Variants in ITFG1 observed in about 807,000 individuals in gnomAD.
ITFG1 encodes integrin alpha FG-GAP repeat containing 1, also known as T-cell immunomodulatory protein.
A neutral mutation model predicts 81.8 loss-of-function variants in ITFG1; 34 were observed. The observed-to-expected ratio is 0.42, with a 90% confidence interval of 0.32 to 0.55. The LOEUF is 0.55. Among genes scored for constraint, ITFG1 ranks in the 20% least tolerant of loss-of-function variants. The pLI is 0.17. For synonymous variants in ITFG1, 285 were observed against 270.6 expected, an observed-to-expected ratio of 1.05 and a Z score of -0.52; for missense variants, 672 against 755.4, an observed-to-expected ratio of 0.89 and a Z score of 1.29.
intron 10 of ITFG1, among the ~76,000 whole-genome samples, chr16:47,261,278 C>A (rs914606442): frequency 6.6e-6 from 1 of 152,200 alleles, no homozygotes; most frequent in Non-Finnish European, 1.5e-5. Context: ...AATCCTGGCT[C>A]TGTTATTTAG....
intron 10 of ITFG1, among the ~76,000 whole-genome samples, chr16:47,303,208 TTG>T (rs1967104335): frequency 6.6e-6 from 1 of 151,984 alleles, no homozygotes; most frequent in Non-Finnish European, 1.5e-5. Context: ...GGGGCGGAGC[TTG>T]CAGTGAGCCG....
rs1439010773 is a variant in ITFG1 at position 47,162,483 on chromosome 16, T to A, written c.1578+57A>T. On this transcript the variant is annotated intron_variant, in intron 15 of 17. Coordinates refer to ENST00000320640, the MANE Select transcript of ITFG1 (RefSeq NM_030790.5). ...GGTTCAAATTATTTAATTTAAATACTTAAATAGTGAATATTAAAACATAGA... is the reference window on the plus strand; with the variant it reads ...GGTTCAAATTATTTAATTTAAATACATAAATAGTGAATATTAAAACATAGA... 3.7e-6 allele frequency: 5 copies of A among 1,336,880 alleles called. No individual in the cohort carries two copies. In the African/African-American group the frequency reaches 7.5e-5, roughly 20 times the overall value. 82.8% of individuals were successfully genotyped at this position (1,336,880 alleles called of 1,614,324 possible). A position where few individuals can be genotyped will look rare whatever the true frequency, so the allele number is the denominator to read the frequency against.
intron 12 of ITFG1, among the ~76,000 whole-genome samples, chr16:47,247,239 T>G (rs550374798): frequency 8.7e-5 from 13 of 149,026 alleles, no homozygotes; most frequent in Admixed American, 2.8e-4. Flanking sequence ...TTTTTTCCCC[T>G]CTTATTGCTC....
intron 8 of ITFG1, among the ~76,000 whole-genome samples, chr16:47,319,614 T>G (rs899793872): frequency 1.3e-5 from 2 of 149,898 alleles, no homozygotes; most frequent in African/African-American, 2.5e-5. Context: ...AAAATTATTG[T>G]TTTTTTTGCA....
At chr16:47,399,393 G>A (rs1567486547) in intron 6 of ITFG1, among the ~76,000 whole-genome samples, 1 of 152,150 alleles carries the variant, frequency 6.6e-6, no homozygotes, top group African/African-American at 2.4e-5. Flanking sequence ...CTAACACGGT[G>A]AAACCCCATC....
At chr16:47,367,815 CTTAT>C (rs1968196664) in intron 7 of ITFG1, among the ~76,000 whole-genome samples, 5 of 152,162 alleles carry the variant, frequency 3.3e-5, no homozygotes, top group Admixed American at 2.6e-4. Context: ...CTATAGACAT[CTTAT>C]TTAGTAAGTG....
chr16:47,282,467 T>C (rs911352978), intron 10 of ITFG1, among the ~76,000 whole-genome samples: 2 of 152,112 alleles, frequency 1.3e-5, no homozygotes, highest in African/African-American at 2.4e-5. Flanking sequence ...GTATATGATA[T>C]ATATATTTTT....
At chr16:47,383,755 T>G (rs983454678) in intron 6 of ITFG1, among the ~76,000 whole-genome samples, 4 of 152,154 alleles carry the variant, frequency 2.6e-5, no homozygotes, top group Admixed American at 6.5e-5. Flanking sequence ...ATACAAAAAA[T>G]TAGCTGGGCA....
chr16:47,263,116 C>A (rs200835092), intron 10 of ITFG1: 3 of 247,510 alleles, frequency 1.2e-5, no homozygotes, highest in East Asian at 1.0e-4. Context: ...CAGCTGCCTC[C>A]AAGCTGCCTG....
chr16:47,181,450 T>TGG (rs1262352965), intron 14 of ITFG1, among the ~76,000 whole-genome samples: 4 of 104,898 alleles, frequency 3.8e-5, no homozygotes, highest in Non-Finnish European at 5.8e-5. Context: ...GGGAGGGAGG[T>TGG]GGGGGGGGTC....
At chr16:47,319,491 TCA>T (rs1267870175) in intron 8 of ITFG1, among the ~76,000 whole-genome samples, 2 of 152,226 alleles carry the variant, frequency 1.3e-5, no homozygotes, top group African/African-American at 4.8e-5. Flanking sequence ...CAACTTAATC[TCA>T]CCACTGCTTT....
chr16:47,225,155 TTAAC>T (rs1326782097), intron 13 of ITFG1, among the ~76,000 whole-genome samples: 2 of 150,944 alleles, frequency 1.3e-5, no homozygotes, highest in East Asian at 1.9e-4. Flanking sequence ...AAATGAAAAA[TTAAC>T]TAGCAAAGCT....
At chr16:47,365,733 A>G in intron 8 of ITFG1, 55 bp downstream of exon 8, 1 of 1,010,224 alleles carries the variant, frequency 9.9e-7, no homozygotes, top group South Asian at 1.4e-5. Flanking sequence ...GAACAGAAAG[A>G]AGGAGAGAAT....
chr16:47,370,869 G>A (rs572157455), intron 7 of ITFG1, among the ~76,000 whole-genome samples: 1 of 152,280 alleles, frequency 6.6e-6, no homozygotes, highest in East Asian at 1.9e-4. Flanking sequence ...CTGGCGAAGT[G>A]GCACTGAAAA....
rs1045600211 is a variant in ITFG1 at position 47,428,706 on chromosome 16, C to T, written c.655+98G>A. The T allele has an allele frequency of 6.4e-6, 5 of 775,574 alleles. No homozygotes were observed. In the African/African-American group the frequency reaches 8.8e-5, roughly 14 times the overall value. The allele number at this position is 775,574 out of a possible 1,614,324, so 48.0% of individuals were successfully genotyped here. On this transcript the variant is annotated intron_variant, in intron 6 of 17. Transcript: ENST00000320640. ...AACATCCTTTAAACATTAATTTCAA[C>T]ATTTACTTCATTAGCAATTAAATAC...
At chr16:47,161,036 T>C (rs950773141) in intron 16 of ITFG1, among the ~76,000 whole-genome samples, 1 of 152,238 alleles carries the variant, frequency 6.6e-6, no homozygotes, top group African/African-American at 2.4e-5. Context: ...TTGATATTTG[T>C]CTAGCATATT....
At chr16:47,290,493 T>C (rs968337761) in intron 10 of ITFG1, among the ~76,000 whole-genome samples, 2 of 152,208 alleles carry the variant, frequency 1.3e-5, no homozygotes, top group Non-Finnish European at 2.9e-5. Context: ...AGTGCTCTGG[T>C]ATTGAGTGTA....
Position 47,185,879 on chromosome 16 carries a change from G to A in ITFG1, c.1454-23215C>T, listed in dbSNP as rs1965205422. On this transcript the variant is annotated intron_variant, in intron 14 of 17. Coordinates refer to ENST00000320640, the MANE Select transcript of ITFG1 (RefSeq NM_030790.5). ...GACCGCTAGCAAGACTAATAAAGAA[G>A]AAAAGAGAGAAGAATCAAATAGATG... Among the ~76,000 whole-genome samples, 4 of 151,908 alleles carry A rather than the reference G, an allele frequency of 2.6e-5. No homozygotes were observed. The South Asian group carries it at 6.2e-4, about 24-fold the overall frequency.
At chr16:47,432,358 T>C (rs1026943770) in intron 5 of ITFG1, among the ~76,000 whole-genome samples, 2 of 152,236 alleles carry the variant, frequency 1.3e-5, no homozygotes, top group African/African-American at 4.8e-5. Flanking sequence ...AATTGTGAAT[T>C]TGGTATTGAT....
Sources: allele counts gnomAD v4.1 joint callset (sites outside exome capture counted in the v4.1 genomes callset), GRCh38; gene constraint gnomAD v4.1.1; transcripts MANE v1.5; gene names NCBI Gene and HGNC (gene_info 2026-07-23, HGNC 2026-07-21).